LRP1B: variants seen among roughly 807,000 people sequenced by gnomAD.
LRP1B encodes the protein LDL receptor related protein 1B.
A neutral mutation model predicts 556.6 loss-of-function variants in LRP1B; 217 were observed. That is an observed-to-expected ratio of 0.39 (90% confidence interval 0.35 to 0.44). LRP1B has a LOEUF of 0.44. Among genes scored for constraint, LRP1B ranks in the 20% least tolerant of loss-of-function variants. The pLI is 1.00. For synonymous variants in LRP1B, 2,047 were observed against 1,865.8 expected, an observed-to-expected ratio of 1.10 and a Z score of -2.50; for missense variants, 5,053 against 5,620.8, an observed-to-expected ratio of 0.90 and a Z score of 3.23.
chr2:141,940,487 G>T (rs772472190), intron 1 of LRP1B, among the ~76,000 whole-genome samples: 1 of 152,114 alleles, frequency 6.6e-6, no homozygotes, highest in African/African-American at 2.4e-5. Context: ...TTAGAGAAGG[G>T]TTGCTGTGAC....
At chr2:140,799,390 G>A (rs1030583498) in intron 32 of LRP1B, among the ~76,000 whole-genome samples, 3 of 152,152 alleles carry the variant, frequency 2.0e-5, no homozygotes, top group Non-Finnish European at 2.9e-5. Context: ...CAGGAAGAGA[G>A]CCCTCACCAG....
At chr2:141,345,464 T>C (rs1307033502) in intron 3 of LRP1B, among the ~76,000 whole-genome samples, 1 of 151,804 alleles carries the variant, frequency 6.6e-6, no homozygotes, top group Non-Finnish European at 1.5e-5. Flanking sequence ...ACAACAACCT[T>C]TTCTTCTCCT....
intron 41 of LRP1B, among the ~76,000 whole-genome samples, chr2:140,693,156 T>C (rs1686305760): frequency 6.6e-6 from 1 of 152,188 alleles, no homozygotes; most frequent in Non-Finnish European, 1.5e-5. Context: ...AATATCATAT[T>C]GTGTTAATTA....
At chr2:140,820,092 C>T (rs376296320) in intron 31 of LRP1B, among the ~76,000 whole-genome samples, 3 of 152,112 alleles carry the variant, frequency 2.0e-5, no homozygotes, top group South Asian at 2.1e-4. Flanking sequence ...CTCTGCCTCC[C>T]GGGCTCAAGA....
intron 2 of LRP1B, among the ~76,000 whole-genome samples, chr2:141,515,211 A>G (rs1166568510): frequency 6.6e-6 from 1 of 151,918 alleles, no homozygotes; most frequent in Non-Finnish European, 1.5e-5. Flanking sequence ...CTGAGGCAGG[A>G]GAATCGCTTG....
chr2:141,747,596 G>T (rs965353444), intron 2 of LRP1B, among the ~76,000 whole-genome samples: 1 of 152,062 alleles, frequency 6.6e-6, no homozygotes, highest in Non-Finnish European at 1.5e-5. Flanking sequence ...ATGATATCCC[G>T]ACTGTACTGG....
intron 7 of LRP1B, among the ~76,000 whole-genome samples, chr2:141,159,195 T>C (rs1702140202): frequency 1.3e-5 from 2 of 152,180 alleles, no homozygotes; most frequent in South Asian, 4.1e-4. Context: ...ACATATCACC[T>C]TAGCAAAATC....
intron 43 of LRP1B, among the ~76,000 whole-genome samples, chr2:140,549,438 G>A (rs1282504631): frequency 6.6e-6 from 1 of 152,084 alleles, no homozygotes; most frequent in Non-Finnish European, 1.5e-5. Flanking sequence ...TTAAAAGTGA[G>A]TTGATGGGAC....
intron 2 of LRP1B, among the ~76,000 whole-genome samples, chr2:141,610,428 C>T (rs1209949295): frequency 6.7e-6 from 1 of 150,094 alleles, no homozygotes; most frequent in African/African-American, 2.4e-5. Flanking sequence ...CCATGCTTTT[C>T]TAAGCTGCCA....
At chr2:141,123,656 A>G (rs1701124148) in intron 7 of LRP1B, among the ~76,000 whole-genome samples, 1 of 152,106 alleles carries the variant, frequency 6.6e-6, no homozygotes, top group Non-Finnish European at 1.5e-5. Flanking sequence ...ACATAACTTA[A>G]AACTACCTTC....
chr2:140,908,370 A>ATG (rs1258335868), intron 21 of LRP1B, among the ~76,000 whole-genome samples: 318 of 6,596 alleles, frequency 0.048, no homozygotes, highest in African/African-American at 0.076. Context: ...TATATAATAT[A>ATG]TATATATATA....
chr2:141,448,079 T>A (rs1235080287), intron 3 of LRP1B, among the ~76,000 whole-genome samples: 1 of 152,210 alleles, frequency 6.6e-6, no homozygotes, highest in Admixed American at 6.5e-5. Context: ...AGATCCTGAC[T>A]GGGGCTGCTG....
At chr2:141,276,347 G>A (rs1432527796) in intron 3 of LRP1B, among the ~76,000 whole-genome samples, 1 of 151,770 alleles carries the variant, frequency 6.6e-6, no homozygotes, top group Non-Finnish European at 1.5e-5. Flanking sequence ...TGCTATATAG[G>A]TAAGTTGTGT....
At chr2:141,436,689 A>G (rs1680778541) in intron 3 of LRP1B, among the ~76,000 whole-genome samples, 1 of 152,158 alleles carries the variant, frequency 6.6e-6, no homozygotes, top group African/African-American at 2.4e-5. Flanking sequence ...TACCTTGAAA[A>G]TTACTAGTAG....
chr2:140,442,462 C>A (rs2105300966), intron 66 of LRP1B, 42 bp downstream of exon 66: 1 of 1,588,490 alleles, frequency 6.3e-7, no homozygotes. Context: ...CAGATGATGA[C>A]TCAAATACGG....
At chr2:141,039,064 A>C (rs955998478) in intron 11 of LRP1B, among the ~76,000 whole-genome samples, 1 of 152,082 alleles carries the variant, frequency 6.6e-6, no homozygotes, top group Non-Finnish European at 1.5e-5. Flanking sequence ...ACAACTCATA[A>C]GTTTTAAATT....
At chr2:141,750,823 G>A (rs920259431) in intron 2 of LRP1B, among the ~76,000 whole-genome samples, 3 of 151,900 alleles carry the variant, frequency 2.0e-5, no homozygotes, top group Non-Finnish European at 2.9e-5. Context: ...CAGTGTCATT[G>A]AAAAAGATTC....
intron 2 of LRP1B, among the ~76,000 whole-genome samples, chr2:141,712,836 A>ATTTTTTTTTTTTTT (rs1192189235): frequency 2.9e-5 from 3 of 103,342 alleles, no homozygotes; most frequent in Non-Finnish European, 3.8e-5. Context: ...TGCCCAGCTA[A>ATTTTTTTTTTTTTT]TTTTTTTTTT....
At chr2:141,012,801 T>G (rs1048885477) in intron 14 of LRP1B, among the ~76,000 whole-genome samples, 1 of 151,956 alleles carries the variant, frequency 6.6e-6, no homozygotes, top group African/African-American at 2.4e-5. Flanking sequence ...AAATTCATAA[T>G]ATAATTTATT....
Sources: gnomAD v4.1 joint callset for allele counts (sites outside exome capture counted in the v4.1 genomes callset) on GRCh38, gnomAD v4.1.1 for gene constraint, MANE v1.5 for transcripts, NCBI Gene and HGNC (gene_info 2026-07-23, HGNC 2026-07-21) for gene names.